Variants in ARL9 observed in about 807,000 individuals in gnomAD.
ARL9 encodes ARF like GTPase 9.
ARL9 carries 14 observed loss-of-function variants against 27.0 expected under a neutral mutation model. The ratio of observed to expected loss-of-function variants is 0.52; its 90% confidence interval spans 0.34 to 0.81. The LOEUF (loss-of-function observed/expected upper bound fraction) is 0.81. Ranked by LOEUF, ARL9 falls within the 30% of genes least tolerant of loss-of-function variation. The pLI is 0.01. For missense variants in ARL9, 294 were observed against 290.0 expected (o/e 1.01, Z -0.10); for synonymous variants, 106 against 108.7 (o/e 0.98, Z 0.15).
At chr4:56,518,315 G>C (rs966197441) in intron 2 of ARL9, among the ~76,000 whole-genome samples, 1 of 152,160 alleles carries the variant, frequency 6.6e-6, no homozygotes, top group Non-Finnish European at 1.5e-5. Context: ...GGGATTACAG[G>C]CGTGAGCAAC....
chr4:56,516,660 G>C (rs1258667463), intron 2 of ARL9, among the ~76,000 whole-genome samples: 5 of 152,000 alleles, frequency 3.3e-5, no homozygotes, highest in Admixed American at 3.3e-4. Context: ...GCTGGGTGCA[G>C]TGGCTCACAC....
chr4:56,507,004 C>A (rs1176790040), intron 1 of ARL9, among the ~76,000 whole-genome samples: 1 of 152,110 alleles, frequency 6.6e-6, no homozygotes, highest in African/African-American at 2.4e-5. Flanking sequence ...CCATGTAGCT[C>A]AGGCTGATCT....
chr4:56,516,584 CAAAAAAAAA>C (rs10718013), intron 2 of ARL9, among the ~76,000 whole-genome samples: 19,316 of 121,016 alleles, frequency 0.16, 1,669 homozygotes, highest in East Asian at 0.29. Flanking sequence ...TCAAATTAGG[CAAAAAAAAA>C]AAAAAAAAAG....
Position 56,505,834 on chromosome 4 carries a change from C to T in ARL9, c.-29C>T, listed in dbSNP as rs1466141662. The T allele has an allele frequency of 7.9e-7, 1 of 1,263,132 alleles. No homozygotes were observed. Among genetic ancestry groups the T allele is most frequent in the Non-Finnish European group, 9.9e-7 (1 of 1,006,154 alleles). The allele number at this position is 1,263,132 out of a possible 1,614,324, so 78.2% of individuals were successfully genotyped here. ...CACCGCTCAGCACGCGGGCACGCGG[C>T]GGGAGGGAAGGAAACCGCGGCGCTG... On this transcript the variant is annotated 5_prime_UTR_variant, in exon 1 of 4. Transcript: ENST00000640821.
intron 1 of ARL9, chr4:56,506,595 T>A: frequency 1.0e-6 from 1 of 985,116 alleles, no homozygotes. Flanking sequence ...AGGAGGTGTT[T>A]GGGGACGCTG....
chr4:56,506,464 C>T (rs12644498), intron 1 of ARL9, among the ~76,000 whole-genome samples: 19,764 of 151,988 alleles, frequency 0.13, 1,634 homozygotes, highest in East Asian at 0.27. Flanking sequence ...CTGTCCAGCG[C>T]GCAACACTAG....
At chr4:56,509,237 A>G (rs1449818325) in intron 1 of ARL9, among the ~76,000 whole-genome samples, 4 of 130,350 alleles carry the variant, frequency 3.1e-5, no homozygotes, top group Non-Finnish European at 6.3e-5. Flanking sequence ...TGGAGTCTGT[A>G]TCACCCAGGC....
intron 1 of ARL9, among the ~76,000 whole-genome samples, chr4:56,508,176 T>C (rs1323545818): frequency 6.6e-6 from 1 of 151,888 alleles, no homozygotes; most frequent in African/African-American, 2.4e-5. Context: ...GTGCCAGTAT[T>C]GCTTTAAAAC....
chr4:56,513,814 C>T (rs2110148011), intron 2 of ARL9, among the ~76,000 whole-genome samples: 1 of 152,268 alleles, frequency 6.6e-6, no homozygotes, highest in East Asian at 1.9e-4. Flanking sequence ...CAGTCAGTAG[C>T]TCCCCCAGTT....
Position 56,523,990 on chromosome 4 carries a change from C to A in ARL9, c.*114C>A, listed in dbSNP as rs969569863. On this transcript the variant is annotated 3_prime_UTR_variant, in exon 4 of 4. Transcript: ENST00000640821. Reference sequence around the variant, plus strand: ...AAAATTAAGCCATTTCCTATTTTCTCAGTGCATGGGATGTATATAGTTAGC... The same window carrying A: ...AAAATTAAGCCATTTCCTATTTTCTAAGTGCATGGGATGTATATAGTTAGC... 9.8e-7 allele frequency: 1 copy of A among 1,022,464 alleles called. No individual in the cohort carries two copies. The highest frequency in any genetic ancestry group is 1.4e-6 in the Non-Finnish European group (1 of 723,518). 63.3% of individuals were successfully genotyped at this position (1,022,464 alleles called of 1,614,324 possible).
chr4:56,514,676 C>T (rs1578211325), intron 2 of ARL9, among the ~76,000 whole-genome samples: 1 of 151,878 alleles, frequency 6.6e-6, no homozygotes, highest in Admixed American at 6.6e-5. Context: ...AAATCAATAG[C>T]GAAAAATCAT....
chr4:56,505,678 G>GC (rs1721433780), upstream of ARL9: 8 of 989,784 alleles, frequency 8.1e-6, no homozygotes, highest in Non-Finnish European at 1.1e-5. Context: ...GCTGCAAGAA[G>GC]CCCTGCATCC....
chr4:56,514,425 A>G (rs914669603), intron 2 of ARL9, among the ~76,000 whole-genome samples: 3 of 152,224 alleles, frequency 2.0e-5, no homozygotes, highest in Non-Finnish European at 4.4e-5. Flanking sequence ...ATAGATAAAC[A>G]AAATAGACAA....
At chr4:56,519,170 T>C (rs918427921) in intron 3 of ARL9, among the ~76,000 whole-genome samples, 8 of 152,224 alleles carry the variant, frequency 5.3e-5, no homozygotes, top group African/African-American at 1.9e-4. Flanking sequence ...CATTTTGCTT[T>C]AGACCTATCA....
rs1478627627 is a variant in ARL9, at chr4:56,517,258, G to T, written c.443-1420G>T. Among the ~76,000 whole-genome samples the T allele has an allele frequency of 2.0e-5, 3 of 152,180 alleles. No homozygotes were observed. In the East Asian group the frequency reaches 5.8e-4, roughly 29 times the overall value. ...AATTAAAAACAGAAAATACTTCAAG[G>T]AATGACTAGCCTACCTCTATAGAAA... On this transcript the variant is annotated intron_variant, in intron 2 of 3. Transcript: ENST00000640821.
At chr4:56,509,717 T>TG (rs1431858094) in intron 1 of ARL9, among the ~76,000 whole-genome samples, 4 of 147,238 alleles carry the variant, frequency 2.7e-5, no homozygotes, top group African/African-American at 1.0e-4. Context: ...TTTTTTTTTT[T>TG]TTTTTTTTAA....
Position 56,508,857 on chromosome 4 carries a change from G to T in ARL9, c.280-2328G>T, listed in dbSNP as rs182566060. Among the ~76,000 whole-genome samples the T allele has an allele frequency of 2.0e-5, 3 of 152,222 alleles. No homozygotes were observed. In the East Asian group the frequency reaches 5.8e-4, roughly 29 times the overall value. On this transcript the variant is annotated intron_variant, in intron 1 of 3. Transcript: ENST00000640821. ...AAGATCACTTTTTTCTAGAAATCTA[G>T]TTTAAGTCTAATGTCAACATTTAGA...
At chr4:56,517,126 G>C (rs1721787382) in intron 2 of ARL9, among the ~76,000 whole-genome samples, 1 of 152,174 alleles carries the variant, frequency 6.6e-6, no homozygotes, top group African/African-American at 2.4e-5. Flanking sequence ...AAAATGTTTA[G>C]AGCAGCATTG....
chr4:56,517,744 C>T (rs549129332), intron 2 of ARL9, among the ~76,000 whole-genome samples: 9 of 151,994 alleles, frequency 5.9e-5, no homozygotes, highest in East Asian at 3.9e-4. Flanking sequence ...AAGTTTATTC[C>T]GTGAAGAATC....
Sources: allele counts gnomAD v4.1 joint callset (sites outside exome capture counted in the v4.1 genomes callset), GRCh38; gene constraint gnomAD v4.1.1; transcripts MANE v1.5; gene names NCBI Gene and HGNC (gene_info 2026-07-23, HGNC 2026-07-21).